WWOX: variants seen among roughly 807,000 people sequenced by gnomAD.
The protein encoded by WWOX is WW domain-containing oxidoreductase.
Under a neutral mutation model 46.2 loss-of-function variants are expected in WWOX, and 69 were observed. The ratio of observed to expected loss-of-function variants is 1.49; its 90% CI spans 1.23 to 1.82. The LOEUF (loss-of-function observed/expected upper bound fraction) is 1.82. Ranked by LOEUF, WWOX falls within the 40% of genes most tolerant of loss-of-function variation. The probability of loss-of-function intolerance (pLI) is 0.00; values close to 1 mark genes in which losing one functional copy is unlikely to be tolerated. For missense variants in WWOX, 919 were observed against 542.6 expected (o/e 1.69, Z -6.89); for synonymous variants, 359 against 202.6 (o/e 1.77, Z -6.56).
At chr16:78,646,536 T>C (rs1039719935) in intron 8 of WWOX, among the ~76,000 whole-genome samples, 14 of 152,130 alleles carry the variant, frequency 9.2e-5, no homozygotes, top group African/African-American at 3.1e-4. Flanking sequence ...CAAGCAATTC[T>C]CTGGCCTCAG....
At chr16:78,955,928 A>G (rs1251627866) in intron 8 of WWOX, among the ~76,000 whole-genome samples, 3 of 151,930 alleles carry the variant, frequency 2.0e-5, no homozygotes, top group Non-Finnish European at 4.4e-5. Context: ...GATTACATGC[A>G]TGAGCCACCA....
intron 5 of WWOX, among the ~76,000 whole-genome samples, chr16:78,244,682 G>T (rs1597395318): frequency 6.6e-6 from 1 of 152,178 alleles, no homozygotes; most frequent in Non-Finnish European, 1.5e-5. Context: ...GCCTCCCCAG[G>T]CCTTATCAGG....
intron 5 of WWOX, among the ~76,000 whole-genome samples, chr16:78,179,416 C>G (rs972194334): frequency 6.6e-6 from 1 of 152,104 alleles, no homozygotes; most frequent in African/African-American, 2.4e-5. Flanking sequence ...CTTAACTTTC[C>G]CCACTTGACA....
At chr16:78,202,765 A>G (rs2036272473) in intron 5 of WWOX, among the ~76,000 whole-genome samples, 1 of 148,310 alleles carries the variant, frequency 6.7e-6, no homozygotes, top group African/African-American at 2.5e-5. Context: ...AAATAGCTCA[A>G]CCTCTCATTA....
At chr16:79,029,234 G>T (rs1243300491) in intron 8 of WWOX, among the ~76,000 whole-genome samples, 1 of 152,152 alleles carries the variant, frequency 6.6e-6, no homozygotes, top group African/African-American at 2.4e-5. Context: ...TCACGGCTGG[G>T]CCTACTCAGT....
intron 8 of WWOX, among the ~76,000 whole-genome samples, chr16:79,089,266 A>G (rs1157563634): frequency 2.0e-5 from 3 of 151,548 alleles, no homozygotes; most frequent in Admixed American, 1.3e-4. Flanking sequence ...TGATTAGAAT[A>G]TTTGTAAAGT....
chr16:78,614,249 TAC>T (rs2045966986), intron 8 of WWOX, among the ~76,000 whole-genome samples: 1 of 152,240 alleles, frequency 6.6e-6, no homozygotes, highest in Admixed American at 6.5e-5. Context: ...TTGGGTTTCA[TAC>T]AGTCCTTTCC....
At chr16:78,946,381 G>GTCT (rs2045948832) in intron 8 of WWOX, among the ~76,000 whole-genome samples, 1 of 152,066 alleles carries the variant, frequency 6.6e-6, no homozygotes, top group East Asian at 1.9e-4. Flanking sequence ...AGTAGAGACG[G>GTCT]GGTTTCACCA....
intron 8 of WWOX, among the ~76,000 whole-genome samples, chr16:78,851,393 G>A (rs544051178): frequency 1.2e-4 from 19 of 152,292 alleles, no homozygotes; most frequent in African/African-American, 4.3e-4. Flanking sequence ...TTACTTATAG[G>A]CAGAAGTACG....
At chr16:78,121,049 C>G (rs1317223383) in intron 4 of WWOX, among the ~76,000 whole-genome samples, 1 of 151,872 alleles carries the variant, frequency 6.6e-6, no homozygotes, top group South Asian at 2.1e-4. Flanking sequence ...TACATTTAGT[C>G]ATTTTCATGG....
chr16:78,569,388 A>T (rs1218872518), intron 8 of WWOX, among the ~76,000 whole-genome samples: 1 of 152,206 alleles, frequency 6.6e-6, no homozygotes, highest in Non-Finnish European at 1.5e-5. Context: ...TTTTGTTGAC[A>T]TTCACCTGTA....
intron 5 of WWOX, among the ~76,000 whole-genome samples, chr16:78,199,054 T>A (rs1323574258): frequency 6.6e-6 from 1 of 152,062 alleles, no homozygotes; most frequent in Non-Finnish European, 1.5e-5. Context: ...TAATTAAATC[T>A]CCCATGCATC....
At chr16:78,421,567 A>G (rs1040014755) in intron 6 of WWOX, among the ~76,000 whole-genome samples, 3 of 152,146 alleles carry the variant, frequency 2.0e-5, no homozygotes, top group African/African-American at 4.8e-5. Flanking sequence ...TCAACTCACT[A>G]TGGAAGCAAT....
At chr16:78,776,906 A>G (rs1313061503) in intron 8 of WWOX, among the ~76,000 whole-genome samples, 1 of 152,166 alleles carries the variant, frequency 6.6e-6, no homozygotes, top group Non-Finnish European at 1.5e-5. Context: ...ACCTCCTACC[A>G]GGTCTCTCCC....
chr16:79,027,490 G>T (rs1181404430), intron 8 of WWOX, among the ~76,000 whole-genome samples: 1 of 151,684 alleles, frequency 6.6e-6, no homozygotes, highest in Non-Finnish European at 1.5e-5. Context: ...AACTGAATAA[G>T]AACTAATGAC....
At chr16:79,006,163 A>G (rs1456460142) in intron 8 of WWOX, among the ~76,000 whole-genome samples, 1 of 152,230 alleles carries the variant, frequency 6.6e-6, no homozygotes, top group Non-Finnish European at 1.5e-5. Flanking sequence ...ATTGAACTAC[A>G]GAAAGCAGAA....
At chr16:79,209,253 C>T (rs999312551) in intron 8 of WWOX, among the ~76,000 whole-genome samples, 3 of 152,300 alleles carry the variant, frequency 2.0e-5, no homozygotes, top group Non-Finnish European at 4.4e-5. Context: ...AGGTAGGTCC[C>T]CAGCTCCTGC....
At chr16:78,372,560 G>A (rs1271493808) in intron 5 of WWOX, among the ~76,000 whole-genome samples, 1 of 152,158 alleles carries the variant, frequency 6.6e-6, no homozygotes, top group Non-Finnish European at 1.5e-5. Flanking sequence ...GGAGGGAAGT[G>A]CCCTGTCCAT....
intron 5 of WWOX, among the ~76,000 whole-genome samples, chr16:78,261,788 C>CTATCTATATA (rs1555510660): frequency 2.7e-5 from 2 of 73,744 alleles, no homozygotes; most frequent in Non-Finnish European, 5.5e-5. Flanking sequence ...ATCTATCTAT[C>CTATCTATATA]TATATATATA....
Sources: allele counts gnomAD v4.1 joint callset (sites outside exome capture counted in the v4.1 genomes callset), GRCh38; gene constraint gnomAD v4.1.1; transcripts MANE v1.5; gene names NCBI Gene and HGNC (gene_info 2026-07-23, HGNC 2026-07-21).